The following ZBTB41 variants were observed in gnomAD, a reference collection of about 807,000 sequenced individuals.
ZBTB41 encodes the protein zinc finger and BTB domain containing 41.
A neutral mutation model predicts 87.6 loss-of-function variants in ZBTB41; 42 were observed. The ratio of observed to expected loss-of-function variants is 0.48; its 90% CI spans 0.37 to 0.62. The LOEUF is 0.62. Ranked by LOEUF, ZBTB41 falls within the 20% of genes least tolerant of loss-of-function variation. ZBTB41 has a pLI of 0.00. For missense variants in ZBTB41, 799 were observed against 1,078.9 expected (o/e 0.74, Z 3.63); for synonymous variants, 364 against 364.0 (o/e 1.00, Z 0.00).
At chr1:197,184,315 T>C (rs1464947994) in intron 5 of ZBTB41, among the ~76,000 whole-genome samples, 1 of 152,162 alleles carries the variant, frequency 6.6e-6, no homozygotes, top group East Asian at 1.9e-4. Context: ...TAAATAATCT[T>C]CCAACATATA....
At chr1:197,184,899 C>T (rs557797243) in intron 5 of ZBTB41, among the ~76,000 whole-genome samples, 46 of 152,196 alleles carry the variant, frequency 3.0e-4, no homozygotes, top group Non-Finnish European at 5.4e-4. Flanking sequence ...ACCACAACCT[C>T]CGCCTCTTGG....
intron 5 of ZBTB41, 106 bp downstream of exon 5, chr1:197,188,186 A>G: frequency 7.4e-7 from 1 of 1,359,128 alleles, no homozygotes; most frequent in Non-Finnish European, 1.0e-6. Flanking sequence ...CCACTCTTAA[A>G]AAGTCTTTTA....
rs138564806 is a variant in ZBTB41 at position 197,156,215 on chromosome 1, T to TA, written c.*3143dup. 0.3 allele frequency: 45,020 copies of TA among 150,810 alleles called. 8,355 individuals are homozygous for TA. Among genetic ancestry groups the TA allele is most frequent in the Middle Eastern group, 0.45 (128 of 286 alleles). 9.3% of individuals were successfully genotyped at this position (150,810 alleles called of 1,614,324 possible). A position where few individuals can be genotyped will look rare whatever the true frequency, so the allele number is the denominator to read the frequency against. ...ATTCAAACTAACAACTTTTTTTTTT[T>TA]AAAAAAATCCATTATTCTAGGACTT... On this transcript the variant is annotated 3_prime_UTR_variant, in exon 11 of 11. Transcript: ENST00000367405.
At chr1:197,172,536 TTTA>T (rs777365500) in intron 9 of ZBTB41, among the ~76,000 whole-genome samples, 124 of 152,042 alleles carry the variant, frequency 8.2e-4, no homozygotes, top group Non-Finnish European at 1.4e-3. Flanking sequence ...TCACTGAACT[TTTA>T]TTATTACTAG....
intron 10 of ZBTB41, among the ~76,000 whole-genome samples, chr1:197,171,895 T>C (rs1659488115): frequency 6.6e-6 from 1 of 151,830 alleles, no homozygotes; most frequent in African/African-American, 2.4e-5. Context: ...CAACTAAAAG[T>C]TGAGTAAATA....
intron 4 of ZBTB41, among the ~76,000 whole-genome samples, chr1:197,189,525 C>CAA (rs768719439): frequency 1.2e-4 from 11 of 90,092 alleles, no homozygotes; most frequent in Non-Finnish European, 1.6e-4. Flanking sequence ...GACTCCGTCT[C>CAA]AAAAAAAAAA....
chr1:197,198,249 G>C (rs564156122), intron 2 of ZBTB41, among the ~76,000 whole-genome samples: 4 of 152,158 alleles, frequency 2.6e-5, no homozygotes, highest in South Asian at 2.1e-4. Context: ...TATTAAATTA[G>C]ATTGTCCAAA....
In ZBTB41 at chr1:197,175,055, G is replaced by A. The variant is rs573866722; in HGVS notation, c.1940C>T (p.Thr647Ile). ...AAGGTGTACGCTTTTGTAATGAACAGTGAGATGATCCCTACGACCAAAACA... is the reference window on the plus strand; with the variant it reads ...AAGGTGTACGCTTTTGTAATGAACAATGAGATGATCCCTACGACCAAAACA... ...GKCFGRRDHL[T>I]VHYKSVHLGE... The change falls in exon 9 of 11, where the codon ACT (threonine) becomes ATT (isoleucine). Residue 647 changes from threonine to isoleucine, a missense_variant. Thr to Ile is a moderately conservative substitution (Grantham distance 89, BLOSUM62 -1). Around this residue, in one of 5 missense-constraint regions of ZBTB41, gnomAD observed 198 missense variants for 358.4 expected, o/e 0.55. Transcript: ENST00000367405. 2 of 1,611,360 alleles carry A rather than the reference G, an allele frequency of 1.2e-6. No homozygotes were observed. Among genetic ancestry groups the A allele is most frequent in the Middle Eastern group, 1.7e-4 (1 of 6,038 alleles).
At chr1:197,174,796 T>C (rs1309061137) in intron 9 of ZBTB41, among the ~76,000 whole-genome samples, 1 of 152,094 alleles carries the variant, frequency 6.6e-6, no homozygotes, top group Non-Finnish European at 1.5e-5. Flanking sequence ...TATTGTTAAC[T>C]TGCATGTCAC....
intron 8 of ZBTB41, among the ~76,000 whole-genome samples, chr1:197,175,431 A>AATATACATATATATATATAT (rs1659579949): frequency 1.4e-5 from 1 of 71,558 alleles, no homozygotes. Flanking sequence ...AGGAATTTTA[A>AATATACATATATATATATAT]ATATATATAT....
intron 6 of ZBTB41, among the ~76,000 whole-genome samples, chr1:197,179,123 T>C (rs1019423945): frequency 2.0e-5 from 3 of 152,010 alleles, no homozygotes. Context: ...TCCCCACATA[T>C]CTAAAGTGCT....
rs1160133095 is a variant in ZBTB41 at position 197,194,075 on chromosome 1, C to T, written c.1121-2176G>A. ...TTGCTCTTGTCCAGGCTGGAGTGCA[C>T]TGGCGCGATCTCGGCTCACTGCAAC... is the stretch of plus-strand genomic sequence containing the variant. On this transcript the variant is annotated intron_variant, in intron 2 of 10. Coordinates refer to ENST00000367405, the MANE Select transcript of ZBTB41 (RefSeq NM_194314.3). 3.3e-5 allele frequency among the ~76,000 whole-genome samples: 5 copies of T among 151,928 alleles called. No individual in the cohort carries two copies. The South Asian group carries it at 8.3e-4, about 25-fold the overall frequency.
At chr1:197,164,630 A>G (rs192230147) in intron 10 of ZBTB41, among the ~76,000 whole-genome samples, 1 of 147,650 alleles carries the variant, frequency 6.8e-6, no homozygotes, top group Non-Finnish European at 1.5e-5. Context: ...ATAATGATAT[A>G]AAAGACCATT....
At chr1:197,185,502 ACAAGAATGTCT>A (rs977682696) in intron 5 of ZBTB41, among the ~76,000 whole-genome samples, 14 of 152,234 alleles carry the variant, frequency 9.2e-5, no homozygotes, top group African/African-American at 3.4e-4. Flanking sequence ...TTTTTCCAAA[ACAAGAATGTCT>A]CATTCTAAGC....
At chr1:197,171,183 G>C (rs1659467177) in intron 10 of ZBTB41, among the ~76,000 whole-genome samples, 1 of 152,104 alleles carries the variant, frequency 6.6e-6, no homozygotes, top group East Asian at 1.9e-4. Flanking sequence ...GTTCTATTAG[G>C]TTAATTATTT....
At position 197,174,305 on chromosome 1, in the gene ZBTB41, A is replaced by AG. The variant is rs1659549555; in HGVS notation, c.1985+704dup. On this transcript the variant is annotated intron_variant, in intron 9 of 10. Coordinates refer to ENST00000367405, the MANE Select transcript of ZBTB41 (RefSeq NM_194314.3). ...TGATAACTGAGCAGAATAAGATCAG[A>AG]GGTCAGATTGCAACAGTGGCTGGAA... 2.0e-5 allele frequency among the ~76,000 whole-genome samples: 3 copies of AG among 152,168 alleles called. No individual in the cohort carries two copies. In the South Asian group the frequency reaches 6.2e-4, roughly 32 times the overall value.
Position 197,201,234 on chromosome 1 carries a change from G to C in ZBTB41, c.-129C>G, listed in dbSNP as rs1343669726. On this transcript the variant is annotated 5_prime_UTR_variant, in exon 1 of 11. Coordinates refer to ENST00000367405, the MANE Select transcript of ZBTB41 (RefSeq NM_194314.3). ...CACAGATCCATTACCGGGAACCCAA[G>C]GCTCCCCCGCTGGCTCCCAGCAGCT... Among the ~76,000 whole-genome samples, 1 of 152,208 alleles carries C rather than the reference G, an allele frequency of 6.6e-6. No individual in the cohort carries two copies. The highest frequency in any genetic ancestry group is 1.9e-4 in the East Asian group (1 of 5,182).
chr1:197,190,989 T>C (rs1164680673), intron 3 of ZBTB41, among the ~76,000 whole-genome samples, 158 bp from the exon 4 acceptor site: 1 of 152,204 alleles, frequency 6.6e-6, no homozygotes, highest in Admixed American at 6.5e-5. Context: ...GGTATCATTA[T>C]CATTTTAAAC....
intron 2 of ZBTB41, among the ~76,000 whole-genome samples, chr1:197,194,071 T>G (rs941366166): frequency 2.0e-5 from 3 of 151,872 alleles, no homozygotes; most frequent in African/African-American, 7.3e-5. Flanking sequence ...CAGGCTGGAG[T>G]GCACTGGCGC....
Sources: allele counts gnomAD v4.1 joint callset (sites outside exome capture counted in the v4.1 genomes callset), GRCh38; gene constraint gnomAD v4.1.1; regional missense constraint gnomAD v4.1.1; transcripts MANE v1.5; gene names NCBI Gene and HGNC (gene_info 2026-07-23, HGNC 2026-07-21).